The following CPQ variants were observed in gnomAD, a reference collection of about 807,000 sequenced individuals.
CPQ encodes carboxypeptidase Q.
In CPQ, 37 loss-of-function variants were observed where a neutral mutation model predicts 45.7. The ratio of observed to expected loss-of-function variants is 0.81; its 90% CI spans 0.62 to 1.07. The LOEUF (loss-of-function observed/expected upper bound fraction) is 1.07, where lower values mean the gene tolerates loss of function less well. CPQ is among the 50% of genes least tolerant of loss of function. The probability of loss-of-function intolerance (pLI) is 0.00; values close to 1 mark genes in which losing one functional copy is unlikely to be tolerated. For missense variants in CPQ, 537 were observed against 572.9 expected, an observed-to-expected ratio of 0.94 and a Z score of 0.64; for synonymous variants, 186 against 205.8, an observed-to-expected ratio of 0.90 and a Z score of 0.82.
At chr8:96,688,002 T>A (rs867235809) in intron 1 of CPQ, among the ~76,000 whole-genome samples, 44 of 152,214 alleles carry the variant, frequency 2.9e-4, no homozygotes, top group East Asian at 7.7e-4. Context: ...GAAAAAAATT[T>A]TTTTTTGCTT....
chr8:97,042,049 C>T (rs201086351), intron 6 of CPQ, among the ~76,000 whole-genome samples: 120 of 124,434 alleles, frequency 9.6e-4, no homozygotes, highest in Admixed American at 1.3e-3. Context: ...GGAATAGTTT[C>T]AGAAGGAATG....
At chr8:96,939,261 A>C (rs1813093543) in intron 4 of CPQ, among the ~76,000 whole-genome samples, 1 of 152,178 alleles carries the variant, frequency 6.6e-6, no homozygotes, top group Non-Finnish European at 1.5e-5. Flanking sequence ...TGCAGTTCAC[A>C]ATAGGGTTTG....
chr8:96,696,885 G>A (rs2130742078), intron 1 of CPQ, among the ~76,000 whole-genome samples: 1 of 152,190 alleles, frequency 6.6e-6, no homozygotes, highest in African/African-American at 2.4e-5. Flanking sequence ...AAGTCTCCCA[G>A]CAAACCAAAG....
intron 5 of CPQ, among the ~76,000 whole-genome samples, chr8:97,028,602 A>C (rs1354747957): frequency 6.6e-6 from 1 of 152,238 alleles, no homozygotes; most frequent in Non-Finnish European, 1.5e-5. Context: ...CACTTTTGGC[A>C]TACTCTCACC....
At chr8:97,122,987 T>TA (rs1811753725) in intron 7 of CPQ, among the ~76,000 whole-genome samples, 1 of 40,336 alleles carries the variant, frequency 2.5e-5, no homozygotes, top group Non-Finnish European at 4.1e-5. Flanking sequence ...AAAATTAAAA[T>TA]AAAATAAAAT....
rs548541981 is a variant in CPQ at position 97,127,176 on chromosome 8, AGTAAAAT to A, written c.1256-15843_1256-15837del. Among the ~76,000 whole-genome samples, 4 of 152,348 alleles carry A rather than the reference AGTAAAAT, an allele frequency of 2.6e-5. No individual in the cohort carries two copies. In the South Asian group the frequency reaches 8.3e-4, roughly 32 times the overall value. The stretch of plus-strand genomic sequence containing the variant: ...AATTGATAAGTTGGACATCATCGTA[AGTAAAAT>A]TTCCACTCTTTGGAAGATATCATTA... On this transcript the variant is annotated intron_variant, in intron 7 of 7. Coordinates refer to ENST00000220763, the MANE Select transcript of CPQ (RefSeq NM_016134.4).
At chr8:97,080,284 C>G (rs1810922563) in intron 7 of CPQ, among the ~76,000 whole-genome samples, 1 of 152,140 alleles carries the variant, frequency 6.6e-6, no homozygotes, top group Non-Finnish European at 1.5e-5. Flanking sequence ...AAGTCTGACT[C>G]TAATTAGACA....
rs181226416 is a variant in CPQ, at chr8:97,095,487, T to C, written c.1255+29277T>C. Among the ~76,000 whole-genome samples the C allele has an allele frequency of 1.7e-3, 253 of 152,276 alleles. 3 individuals are homozygous for C. Among genetic ancestry groups the C allele is most frequent in the Admixed American group, 0.013 (196 of 15,294 alleles). On this transcript the variant is annotated intron_variant, in intron 7 of 7. Coordinates refer to ENST00000220763, the MANE Select transcript of CPQ (RefSeq NM_016134.4). Reference sequence around the variant, plus strand: ...GCACTCAAAATTCCTCATTACTGCATTGCTCCCAGTTGTCTTCCCAAAATG... The same window carrying C: ...GCACTCAAAATTCCTCATTACTGCACTGCTCCCAGTTGTCTTCCCAAAATG...
At chr8:96,937,915 A>G (rs1279848162) in intron 4 of CPQ, among the ~76,000 whole-genome samples, 1 of 152,210 alleles carries the variant, frequency 6.6e-6, no homozygotes, top group African/African-American at 2.4e-5. Flanking sequence ...GGGAATGTTG[A>G]GATAAAAGGA....
rs182143455 is a variant in CPQ at position 96,788,307 on chromosome 8, C to T, written c.433+2977C>T. 4.5e-3 allele frequency among the ~76,000 whole-genome samples: 690 copies of T among 151,964 alleles called. 4 individuals are homozygous for T. Among genetic ancestry groups the T allele is most frequent in the African/African-American group, 0.015 (630 of 41,496 alleles). On this transcript the variant is annotated intron_variant, in intron 2 of 7. Coordinates refer to ENST00000220763, the MANE Select transcript of CPQ (RefSeq NM_016134.4). ...CCAAGTAGCTGGGATTACAGGTGCA[C>T]ACCACCATGCCCAGCTAATTTTTTG...
At chr8:97,054,850 A>G (rs1810424932) in intron 6 of CPQ, among the ~76,000 whole-genome samples, 1 of 152,202 alleles carries the variant, frequency 6.6e-6, no homozygotes, top group Non-Finnish European at 1.5e-5. Flanking sequence ...CGGGTGCACT[A>G]AAATCCCAGG....
At chr8:97,020,275 C>G (rs765802254) in intron 5 of CPQ, among the ~76,000 whole-genome samples, 2 of 151,930 alleles carry the variant, frequency 1.3e-5, no homozygotes, top group Non-Finnish European at 2.9e-5. Context: ...ATCAAAAAGT[C>G]TGAAAGAGCA....
chr8:96,861,645 G>A (rs1811927391), intron 3 of CPQ, among the ~76,000 whole-genome samples: 1 of 152,040 alleles, frequency 6.6e-6, no homozygotes, highest in Non-Finnish European at 1.5e-5. Context: ...TGTGCCTATT[G>A]TTAAACAAAC....
intron 2 of CPQ, among the ~76,000 whole-genome samples, chr8:96,832,610 C>A (rs968269203): frequency 1.1e-4 from 17 of 152,108 alleles, no homozygotes; most frequent in African/African-American, 4.1e-4. Flanking sequence ...AAGGGCGGTA[C>A]CTGATCCAGG....
intron 7 of CPQ, among the ~76,000 whole-genome samples, chr8:97,096,987 T>C (rs541967462): frequency 2.0e-5 from 3 of 152,338 alleles, no homozygotes; most frequent in East Asian, 1.9e-4. Context: ...CAGGAGAGAA[T>C]TGAGCTATAC....
chr8:97,019,413 G>A (rs1809638640), intron 5 of CPQ, among the ~76,000 whole-genome samples: 1 of 152,158 alleles, frequency 6.6e-6, no homozygotes, highest in Admixed American at 6.5e-5. Flanking sequence ...TGGCCTAAAT[G>A]CTCCACTTAA....
intron 1 of CPQ, chr8:96,761,246 C>T (rs1810401368): frequency 6.6e-6 from 1 of 152,180 alleles, no homozygotes; most frequent in South Asian, 2.1e-4. Flanking sequence ...AGCCGCACAT[C>T]AACTCCTGAT....
In CPQ at chr8:97,135,784, C is replaced by T. The variant is rs191888073; in HGVS notation, c.1256-7236C>T. On this transcript the variant is annotated intron_variant, in intron 7 of 7. Coordinates refer to ENST00000220763, the MANE Select transcript of CPQ (RefSeq NM_016134.4). The stretch of plus-strand genomic sequence containing the variant: ...TGCTCGCCTGTGAATGCATCCTTCA[C>T]ACAGAACCACAGTAGCCAGTATATG... 2.8e-3 allele frequency among the ~76,000 whole-genome samples: 423 copies of T among 152,258 alleles called. 2 individuals carry two copies. The highest frequency in any genetic ancestry group is 0.014 in the Middle Eastern group (4 of 294).
At chr8:96,964,175 C>CAT (rs1303668185) in intron 4 of CPQ, among the ~76,000 whole-genome samples, 2 of 7,722 alleles carry the variant, frequency 2.6e-4, no homozygotes, top group South Asian at 0.05. Context: ...TTAAAGTATA[C>CAT]ACACACACAC....
Sources: allele counts gnomAD v4.1 joint callset (sites outside exome capture counted in the v4.1 genomes callset), GRCh38; gene constraint gnomAD v4.1.1; transcripts MANE v1.5; gene names NCBI Gene and HGNC (gene_info 2026-07-23, HGNC 2026-07-21).